ADCY2: variants seen among roughly 807,000 people sequenced by gnomAD.
ADCY2 encodes adenylate cyclase type 2.
In ADCY2, 31 loss-of-function variants were observed where a neutral mutation model predicts 125.2. The ratio of observed to expected loss-of-function variants is 0.25; its 90% CI spans 0.19 to 0.33. ADCY2 has a LOEUF of 0.33. Among genes scored for constraint, ADCY2 ranks in the 10% least tolerant of loss-of-function variants. The pLI is 1.00. For missense variants in ADCY2, 904 were observed against 1,418.2 expected (o/e 0.64, Z 5.82); for synonymous variants, 512 against 548.4 (o/e 0.93, Z 0.93).
chr5:7,707,396 C>T (rs1741299431), intron 8 of ADCY2, among the ~76,000 whole-genome samples: 1 of 152,106 alleles, frequency 6.6e-6, no homozygotes, highest in African/African-American at 2.4e-5. Context: ...AGCATACTTC[C>T]TAAAATGCCC....
intron 3 of ADCY2, among the ~76,000 whole-genome samples, chr5:7,583,659 A>T (rs58389849): frequency 0.013 from 2,038 of 152,166 alleles, 39 homozygotes; most frequent in African/African-American, 0.047. Context: ...TTGATGGTAG[A>T]TGTGCAAAAT....
chr5:7,652,183 A>G (rs1739119841), intron 4 of ADCY2, among the ~76,000 whole-genome samples: 1 of 152,196 alleles, frequency 6.6e-6, no homozygotes, highest in Non-Finnish European at 1.5e-5. Context: ...TCACAGACCT[A>G]AAAACTGATC....
At chr5:7,616,463 T>C (rs1000799982) in intron 3 of ADCY2, among the ~76,000 whole-genome samples, 12 of 152,234 alleles carry the variant, frequency 7.9e-5, no homozygotes, top group African/African-American at 2.9e-4. Context: ...TTGGCTTGTT[T>C]TATTGCATTT....
chr5:7,784,310 G>A lies in ADCY2; in HGVS notation c.2385-55G>A, dbSNP rs546565812. The A allele has an allele frequency of 8.9e-6, 11 of 1,242,082 alleles. No homozygotes were observed. The East Asian group carries it at 2.3e-4, about 26-fold the overall frequency. 76.9% of individuals were successfully genotyped at this position (1,242,082 alleles called of 1,614,324 possible). A position where few individuals can be genotyped will look rare whatever the true frequency, so the allele number is the denominator to read the frequency against. On this transcript the variant is annotated intron_variant, in intron 18 of 24. Transcript: ENST00000338316. Reference sequence around the variant, plus strand: ...TGTTGATATTCAAATTCTAAGTCCTGTATGCGTGTTGTTTTGTTGCATTGT... The same window carrying A: ...TGTTGATATTCAAATTCTAAGTCCTATATGCGTGTTGTTTTGTTGCATTGT...
chr5:7,797,877 G>C (rs1171512385), intron 20 of ADCY2: 1 of 152,270 alleles, frequency 6.6e-6, no homozygotes, highest in Admixed American at 6.5e-5. Context: ...AGCACCCCAT[G>C]ACTTGAGTCT....
intron 20 of ADCY2, chr5:7,799,740 A>G (rs1744533566): frequency 6.6e-6 from 1 of 152,258 alleles, no homozygotes; most frequent in African/African-American, 2.4e-5. Flanking sequence ...ACTTTCCAAA[A>G]CAATGCCTGC....
At chr5:7,711,757 G>A (rs997932556) in intron 10 of ADCY2, among the ~76,000 whole-genome samples, 5 of 152,146 alleles carry the variant, frequency 3.3e-5, no homozygotes, top group African/African-American at 4.8e-5. Context: ...CCTCTTGAAC[G>A]AACTCTATTT....
At chr5:7,629,243 C>A (rs1335557463) in intron 4 of ADCY2, among the ~76,000 whole-genome samples, 1 of 152,194 alleles carries the variant, frequency 6.6e-6, no homozygotes, top group Non-Finnish European at 1.5e-5. Flanking sequence ...CTTCACAGCC[C>A]CACTCTCTGC....
At chr5:7,505,047 C>G (rs1743755287) in intron 2 of ADCY2, among the ~76,000 whole-genome samples, 2 of 151,504 alleles carry the variant, frequency 1.3e-5, no homozygotes, top group African/African-American at 4.9e-5. Flanking sequence ...CTTTCTGTGG[C>G]TAATTTTTGT....
chr5:7,627,397 A>T (rs963827887), intron 4 of ADCY2, among the ~76,000 whole-genome samples: 2 of 152,220 alleles, frequency 1.3e-5, no homozygotes, highest in Non-Finnish European at 2.9e-5. Context: ...AAGAAGCCAT[A>T]GAGGGGCCCT....
In ADCY2 at chr5:7,522,072, GAGAC is replaced by G. The variant is rs61289111; in HGVS notation, c.570+1181_570+1184del. On this transcript the variant is annotated intron_variant, in intron 3 of 24. Coordinates refer to ENST00000338316, the MANE Select transcript of ADCY2 (RefSeq NM_020546.3). The stretch of plus-strand genomic sequence containing the variant: ...CACATGCTAGGAACCTGCACCACCT[GAGAC>G]AGACAGAGGCCAGCCAGTAACTAAT... Among the ~76,000 whole-genome samples, 102 of 152,284 alleles carry G rather than the reference GAGAC, an allele frequency of 6.7e-4. 1 individual carries two copies. The highest frequency in any genetic ancestry group is 6.8e-3 in the Middle Eastern group (2 of 294).
At chr5:7,817,615 C>T (rs1745157746) in intron 23 of ADCY2, among the ~76,000 whole-genome samples, 1 of 151,954 alleles carries the variant, frequency 6.6e-6, no homozygotes, top group Non-Finnish European at 1.5e-5. Context: ...TCACTTGATT[C>T]CAGGAGTTTG....
At chr5:7,805,253 G>A (rs1005078503) in intron 22 of ADCY2, among the ~76,000 whole-genome samples, 4 of 152,178 alleles carry the variant, frequency 2.6e-5, no homozygotes, top group African/African-American at 7.2e-5. Context: ...CCTGGGAGGT[G>A]GAGGTTGCAG....
At chr5:7,626,913 G>A (rs1052804056) in intron 4 of ADCY2, among the ~76,000 whole-genome samples, 5 of 152,118 alleles carry the variant, frequency 3.3e-5, no homozygotes, top group African/African-American at 1.2e-4. Context: ...AGCAAAGATT[G>A]CATCTTCCCC....
intron 24 of ADCY2, among the ~76,000 whole-genome samples, chr5:7,826,420 G>A (rs1745479607): frequency 6.6e-6 from 1 of 152,022 alleles, no homozygotes; most frequent in African/African-American, 2.4e-5. Flanking sequence ...TCCTTTTCTG[G>A]GTGAAATGGT....
chr5:7,455,684 T>C (rs1435699335), intron 2 of ADCY2, among the ~76,000 whole-genome samples: 1 of 147,220 alleles, frequency 6.8e-6, no homozygotes, highest in African/African-American at 2.5e-5. Flanking sequence ...ATACATACAT[T>C]TTGTTATATC....
chr5:7,818,407 A>G (rs1323566224), intron 23 of ADCY2, among the ~76,000 whole-genome samples: 2 of 142,932 alleles, frequency 1.4e-5, no homozygotes, highest in African/African-American at 2.6e-5. Context: ...CCCAGGCTGG[A>G]GTGCAGTGGC....
chr5:7,596,285 C>G (rs974782001), intron 3 of ADCY2, among the ~76,000 whole-genome samples: 52 of 149,240 alleles, frequency 3.5e-4, no homozygotes, highest in Non-Finnish European at 4.9e-4. Context: ...TCCCCCCCCC[C>G]ACCAGTTAGC....
At chr5:7,631,269 A>G (rs1738301426) in intron 4 of ADCY2, among the ~76,000 whole-genome samples, 1 of 152,188 alleles carries the variant, frequency 6.6e-6, no homozygotes, top group Non-Finnish European at 1.5e-5. Flanking sequence ...TTGCCATGTA[A>G]CCTAACATAG....
Sources: gnomAD v4.1 joint callset for allele counts (sites outside exome capture counted in the v4.1 genomes callset) on GRCh38, gnomAD v4.1.1 for gene constraint, MANE v1.5 for transcripts, NCBI Gene and HGNC (gene_info 2026-07-23, HGNC 2026-07-21) for gene names.